MTHFD2L: variants seen among roughly 807,000 people sequenced by gnomAD.
MTHFD2L encodes the protein bifunctional methylenetetrahydrofolate dehydrogenase/cyclohydrolase 2, mitochondrial.
Under a neutral mutation model 34.9 loss-of-function variants are expected in MTHFD2L, and 29 were observed. The ratio of observed to expected loss-of-function variants is 0.83; its 90% CI spans 0.62 to 1.13. The LOEUF (loss-of-function observed/expected upper bound fraction) is 1.13. Among genes scored for constraint, MTHFD2L ranks in the 50% most tolerant of loss-of-function variants. The pLI is 0.00. For synonymous variants in MTHFD2L, 167 were observed against 155.7 expected, an observed-to-expected ratio of 1.07 and a Z score of -0.54; for missense variants, 481 against 446.5, an observed-to-expected ratio of 1.08 and a Z score of -0.70.
At chr4:74,260,055 C>A (rs1250931493) in intron 6 of MTHFD2L, among the ~76,000 whole-genome samples, 2 of 152,124 alleles carry the variant, frequency 1.3e-5, no homozygotes, top group Non-Finnish European at 2.9e-5. Context: ...CATGCCAAAC[C>A]CTCTGGGCTC....
At chr4:74,236,072 T>C (rs1055207352) in intron 6 of MTHFD2L, among the ~76,000 whole-genome samples, 12 of 152,176 alleles carry the variant, frequency 7.9e-5, no homozygotes, top group Admixed American at 4.6e-4. Flanking sequence ...GAATTTTTTG[T>C]TTTTGCTTGC....
intron 1 of MTHFD2L, among the ~76,000 whole-genome samples, chr4:74,152,515 CT>C (rs998962988): frequency 1.4e-4 from 21 of 148,534 alleles, no homozygotes; most frequent in African/African-American, 2.5e-4. Flanking sequence ...AAGCACAATA[CT>C]TTTTTTTTTA....
At chr4:74,255,476 TAGTA>T (rs992938999) in intron 6 of MTHFD2L, among the ~76,000 whole-genome samples, 16 of 152,292 alleles carry the variant, frequency 1.1e-4, no homozygotes, top group African/African-American at 3.6e-4. Context: ...TTTTTTTAAA[TAGTA>T]AGTTCTTTTT....
At chr4:74,234,768 A>G (rs1465346899) in intron 6 of MTHFD2L, among the ~76,000 whole-genome samples, 1 of 151,568 alleles carries the variant, frequency 6.6e-6, no homozygotes, top group Non-Finnish European at 1.5e-5. Flanking sequence ...ATGTATATGT[A>G]CATGTCTATC....
chr4:74,162,440 A>G (rs1001633479), intron 1 of MTHFD2L, among the ~76,000 whole-genome samples: 1 of 151,560 alleles, frequency 6.6e-6, no homozygotes, highest in African/African-American at 2.4e-5. Flanking sequence ...CTATCTAAAG[A>G]TCTAAAGATT....
At chr4:74,117,185 A>G (rs1262166425) in intron 2 of MTHFD2L, among the ~76,000 whole-genome samples, 1 of 152,248 alleles carries the variant, frequency 6.6e-6, no homozygotes, top group Non-Finnish European at 1.5e-5. Context: ...GACATTGTCT[A>G]GGAAACAGTG....
intron 3 of MTHFD2L, chr4:74,180,974 C>A (rs2109982890): frequency 6.4e-6 from 1 of 156,976 alleles, no homozygotes; most frequent in Admixed American, 6.3e-5. Context: ...AAACTGATAT[C>A]ATATTAAAAG....
At chr4:74,298,393 C>G (rs967034746) in intron 7 of MTHFD2L, among the ~76,000 whole-genome samples, 2 of 151,988 alleles carry the variant, frequency 1.3e-5, no homozygotes, top group African/African-American at 4.8e-5. Flanking sequence ...TGGTTTCCAC[C>G]AGCGAAGTAT....
intron 3 of MTHFD2L, among the ~76,000 whole-genome samples, chr4:74,199,188 C>T (rs1481594965): frequency 2.0e-5 from 3 of 151,990 alleles, no homozygotes; most frequent in Non-Finnish European, 4.4e-5. Context: ...TACTTTATTA[C>T]TCAGGTTGTG....
intron 7 of MTHFD2L, chr4:74,293,490 A>T: frequency 6.1e-6 from 6 of 980,686 alleles, no homozygotes; most frequent in Non-Finnish European, 4.8e-6. Flanking sequence ...TGACCACAGG[A>T]TGCCACGATA....
intron 1 of MTHFD2L, among the ~76,000 whole-genome samples, chr4:74,135,109 G>A (rs1386294045): frequency 4.6e-5 from 7 of 152,114 alleles, no homozygotes; most frequent in Non-Finnish European, 1.0e-4. Context: ...TTCAGGTACA[G>A]GAAGGCCTTA....
At chr4:74,270,454 A>C in intron 6 of MTHFD2L, among the ~76,000 whole-genome samples, 1 of 152,084 alleles carries the variant, frequency 6.6e-6, no homozygotes, top group Non-Finnish European at 1.5e-5. Flanking sequence ...GTTTGCTGAG[A>C]ATGATGGTTT....
intron 1 of MTHFD2L, among the ~76,000 whole-genome samples, chr4:74,142,592 G>A (rs980023310): frequency 2.0e-5 from 3 of 152,280 alleles, no homozygotes; most frequent in Admixed American, 1.3e-4. Context: ...ATTTGTTTTA[G>A]CAGCACAAAC....
At chr4:74,133,579 T>C (rs1401390896) in intron 1 of MTHFD2L, among the ~76,000 whole-genome samples, 1 of 152,188 alleles carries the variant, frequency 6.6e-6, no homozygotes, top group African/African-American at 2.4e-5. Context: ...TTCTTTTCTC[T>C]AACCCATTCT....
chr4:74,245,571 C>T (rs1350061342), intron 6 of MTHFD2L, among the ~76,000 whole-genome samples: 1 of 152,020 alleles, frequency 6.6e-6, no homozygotes, highest in East Asian at 1.9e-4. Context: ...TGGTGTGCTG[C>T]ACCCATTAAC....
chr4:74,230,910 A>G (rs1739946366), intron 6 of MTHFD2L, among the ~76,000 whole-genome samples: 1 of 152,146 alleles, frequency 6.6e-6, no homozygotes, highest in South Asian at 2.1e-4. Context: ...GACATTGTCC[A>G]CATTACCCTC....
At chr4:74,209,875 A>G (rs1190972479) in intron 5 of MTHFD2L, among the ~76,000 whole-genome samples, 1 of 152,100 alleles carries the variant, frequency 6.6e-6, no homozygotes, top group African/African-American at 2.4e-5. Flanking sequence ...TGACTTTTTA[A>G]TGATCTCCAT....
chr4:74,215,982 A>G (rs1737151376), intron 5 of MTHFD2L, among the ~76,000 whole-genome samples: 1 of 151,710 alleles, frequency 6.6e-6, no homozygotes, highest in Admixed American at 6.6e-5. Flanking sequence ...AAAAAAAATG[A>G]CAGTTATCCA....
upstream of MTHFD2L, among the ~76,000 whole-genome samples, chr4:74,155,923 A>C (rs1260534986): frequency 2.6e-5 from 4 of 151,462 alleles, no homozygotes; most frequent in Non-Finnish European, 5.9e-5. Flanking sequence ...AAAAAAAAAA[A>C]ACACTTTTAC....
Sources: allele counts gnomAD v4.1 joint callset (sites outside exome capture counted in the v4.1 genomes callset), GRCh38; gene constraint gnomAD v4.1.1; transcripts MANE v1.5; gene names NCBI Gene and HGNC (gene_info 2026-07-23, HGNC 2026-07-21).